Variants in DEUP1 observed in about 807,000 individuals in gnomAD.
DEUP1 encodes coiled-coil domain containing 67.
A neutral mutation model predicts 87.4 loss-of-function variants in DEUP1; 82 were observed. That is an observed-to-expected ratio of 0.94 (90% CI 0.78 to 1.13). DEUP1 has a LOEUF of 1.13. Among genes scored for constraint, DEUP1 ranks in the 50% most tolerant of loss-of-function variants. The pLI is 0.00. For synonymous variants in DEUP1, 214 were observed against 222.7 expected (o/e 0.96, Z 0.35); for missense variants, 663 against 681.5 (o/e 0.97, Z 0.30).
chr11:93,437,160 T>C (rs574648712), intron 13 of DEUP1, among the ~76,000 whole-genome samples: 12 of 152,342 alleles, frequency 7.9e-5, no homozygotes, highest in Middle Eastern at 3.4e-3. Flanking sequence ...ATAAACTGTC[T>C]AGTGCAATTC....
intron 13 of DEUP1, among the ~76,000 whole-genome samples, chr11:93,428,066 C>T (rs1380195444): frequency 4.6e-5 from 7 of 151,880 alleles, no homozygotes; most frequent in Non-Finnish European, 7.4e-5. Context: ...GTCAGTGTGG[C>T]GATTCCTCAG....
At chr11:93,410,162 GC>G (rs1291979355) in intron 12 of DEUP1, among the ~76,000 whole-genome samples, 1 of 152,142 alleles carries the variant, frequency 6.6e-6, no homozygotes, top group African/African-American at 2.4e-5. Flanking sequence ...ATATATTGTA[GC>G]CCCATGCAGG....
intron 11 of DEUP1, among the ~76,000 whole-genome samples, chr11:93,400,787 C>T (rs978424418): frequency 6.6e-6 from 1 of 151,830 alleles, no homozygotes; most frequent in African/African-American, 2.4e-5. Context: ...CACAGAATAC[C>T]AAAAACAAAT....
intron 4 of DEUP1, among the ~76,000 whole-genome samples, chr11:93,359,148 T>C (rs1945040494): frequency 6.6e-6 from 1 of 152,226 alleles, no homozygotes; most frequent in Non-Finnish European, 1.5e-5. Flanking sequence ...GCTGTTTTTC[T>C]AAGCAGAAAA....
chr11:93,377,118 C>CT (rs1481424485), intron 7 of DEUP1, among the ~76,000 whole-genome samples: 5 of 152,154 alleles, frequency 3.3e-5, no homozygotes, highest in Non-Finnish European at 5.9e-5. Flanking sequence ...CTGTAAATAT[C>CT]TGTTAGCTCC....
chr11:93,389,311 A>T (rs1946696055), intron 9 of DEUP1, among the ~76,000 whole-genome samples, 186 bp downstream of exon 9: 1 of 152,202 alleles, frequency 6.6e-6, no homozygotes, highest in Non-Finnish European at 1.5e-5. Flanking sequence ...CACAAACCTT[A>T]AGTTATCACT....
Position 93,428,241 on chromosome 11 carries a change from T to C in DEUP1, c.1639-9302T>C, listed in dbSNP as rs1433189793. 6.6e-5 allele frequency among the ~76,000 whole-genome samples: 10 copies of C among 152,224 alleles called. No homozygotes were observed. The East Asian group carries it at 1.9e-3, about 29-fold the overall frequency. On this transcript the variant is annotated intron_variant, in intron 13 of 13. Transcript: ENST00000298050. ...CTGGATTAAGAAAATGTGGCACATG[T>C]ACACCATGGAATACTATGCAGCCAT...
intron 5 of DEUP1, among the ~76,000 whole-genome samples, chr11:93,364,566 C>T (rs955734425): frequency 6.6e-6 from 1 of 151,742 alleles, no homozygotes; most frequent in Non-Finnish European, 1.5e-5. Context: ...GAAACTGCAG[C>T]TGTTGAGTAA....
chr11:93,352,637 G>T, intron 2 of DEUP1: 1 of 561,134 alleles, frequency 1.8e-6, no homozygotes, highest in Non-Finnish European at 3.1e-6. Context: ...AAGAAAAAGA[G>T]GTTTAATTGA....
chr11:93,379,545 G>C (rs1387878322), intron 7 of DEUP1, among the ~76,000 whole-genome samples: 1 of 152,148 alleles, frequency 6.6e-6, no homozygotes, highest in Non-Finnish European at 1.5e-5. Context: ...CACACTCCTG[G>C]TGGCAAGGAG....
chr11:93,394,648 A>G lies in DEUP1; in HGVS notation c.1231A>G (p.Lys411Glu). The change falls in exon 10 of 14, where the codon AAA (lysine) becomes GAA (glutamate). Residue 411 changes from lysine to glutamate, a missense_variant. Lys to Glu is a moderately conservative substitution (Grantham distance 56, BLOSUM62 1). Coordinates refer to ENST00000298050, the MANE Select transcript of DEUP1 (RefSeq NM_181645.4). ...AGAAATAAAAGAAAAAATGTTAGCAAAACAAAAGGTATGCAAGCAGGCAGA... is the reference window on the plus strand; with the variant it reads ...AGAAATAAAAGAAAAAATGTTAGCAGAACAAAAGGTATGCAAGCAGGCAGA... ...ELEIKEKMLA[K>E]QKVSDMKYKA... The G allele has an allele frequency of 6.2e-7, 1 of 1,609,616 alleles. No individual in the cohort carries two copies. The highest frequency in any genetic ancestry group is 8.5e-7 in the Non-Finnish European group (1 of 1,178,038).
chr11:93,408,845 T>G (rs1022449998), intron 12 of DEUP1, among the ~76,000 whole-genome samples: 6 of 152,064 alleles, frequency 3.9e-5, no homozygotes, highest in African/African-American at 1.2e-4. Flanking sequence ...GTTGTTTTTG[T>G]TTTTTGGGGT....
chr11:93,352,000 T>C (rs996903696), intron 2 of DEUP1, among the ~76,000 whole-genome samples: 1 of 152,226 alleles, frequency 6.6e-6, no homozygotes, highest in Non-Finnish European at 1.5e-5. Flanking sequence ...CTGTGTGGTA[T>C]ACAGGAAGAC....
chr11:93,334,162 C>G (rs984056700), intron 2 of DEUP1, among the ~76,000 whole-genome samples: 1 of 152,188 alleles, frequency 6.6e-6, no homozygotes, highest in Non-Finnish European at 1.5e-5. Context: ...CTACCACGGT[C>G]TCCAAAGCAT....
At chr11:93,358,036 A>T (rs1944978191) in intron 4 of DEUP1, among the ~76,000 whole-genome samples, 1 of 152,210 alleles carries the variant, frequency 6.6e-6, no homozygotes, top group Admixed American at 6.5e-5. Context: ...TATGAAGATA[A>T]GGCTGTAAAA....
chr11:93,356,626 G>T (rs1374178951), intron 3 of DEUP1, among the ~76,000 whole-genome samples: 1 of 152,140 alleles, frequency 6.6e-6, no homozygotes, highest in African/African-American at 2.4e-5. Context: ...TATATTGGTA[G>T]AGGTTTTGCT....
chr11:93,389,108 GA>G lies in DEUP1; in HGVS notation c.1029del (p.Glu344AsnfsTer2). On this transcript the variant is annotated frameshift_variant, in exon 9 of 14. Coordinates refer to ENST00000298050, the MANE Select transcript of DEUP1 (RefSeq NM_181645.4). LOFTEE classifies it high-confidence loss of function. ...AGTGATGCAAGATCAACCAAATCAT[GA>G]AAAAGAATTGAACAAGGTATGAAAA... ...FSVMQDQPNH[E>X]KELNKIRSQL... The G allele has an allele frequency of 6.3e-7, 1 of 1,589,530 alleles. No homozygotes were observed. Among genetic ancestry groups the G allele is most frequent in the Non-Finnish European group, 8.6e-7 (1 of 1,165,594 alleles).
intron 2 of DEUP1, chr11:93,352,423 C>T: frequency 1.4e-6 from 1 of 701,928 alleles, no homozygotes; most frequent in Non-Finnish European, 2.6e-6. Flanking sequence ...GAGCACTTAC[C>T]AATCTGTCTT....
rs567512569 is a variant in DEUP1, at chr11:93,405,063, A to T, written c.1327-3168A>T. 9.7e-4 allele frequency among the ~76,000 whole-genome samples: 83 copies of T among 85,450 alleles called. 1 individual carries two copies. The highest frequency in any genetic ancestry group is 8.8e-3 in the Middle Eastern group (1 of 114). 56.1% of individuals were successfully genotyped at this position (85,450 alleles called of 152,430 possible). A position where few individuals can be genotyped will look rare whatever the true frequency, so the allele number is the denominator to read the frequency against. ...TAATTACTTTAAACCAACATTGGAT[A>T]AAAAAAATCACAGATTAAATCTAAT... On this transcript the variant is annotated intron_variant, in intron 11 of 13. Coordinates refer to ENST00000298050, the MANE Select transcript of DEUP1 (RefSeq NM_181645.4).
Sources: gnomAD v4.1 joint callset for allele counts (sites outside exome capture counted in the v4.1 genomes callset) on GRCh38, gnomAD v4.1.1 for gene constraint, MANE v1.5 for transcripts, NCBI Gene and HGNC (gene_info 2026-07-23, HGNC 2026-07-21) for gene names.